NT5DC4: variants seen among roughly 807,000 people sequenced by gnomAD.
The protein encoded by NT5DC4 is 5'-nucleotidase domain containing 4, also known as 5'-nucleotidase domain-containing protein 4.
In NT5DC4, 44 loss-of-function variants were observed where a neutral mutation model predicts 26.6. That is an observed-to-expected ratio of 1.65 (90% CI 1.30 to 2.13). The LOEUF (loss-of-function observed/expected upper bound fraction) is 2.13. NT5DC4 is among the 30% of genes most tolerant of loss of function. NT5DC4 has a pLI of 0.00. For missense variants in NT5DC4, 399 were observed against 228.1 expected (o/e 1.75, Z -4.83); for synonymous variants, 157 against 86.7 (o/e 1.81, Z -4.51).
intron 16 of NT5DC4, among the ~76,000 whole-genome samples, chr2:112,732,690 G>A (rs974831321): frequency 6.6e-6 from 1 of 152,220 alleles, no homozygotes; most frequent in African/African-American, 2.4e-5. Flanking sequence ...AAAGGACTGA[G>A]GGATAAACAA....
Position 112,722,008 on chromosome 2 carries a change from G to A in NT5DC4, c.171G>A (p.Glu57=), listed in dbSNP as rs1676937318. 1 of 717,152 alleles carries A rather than the reference G, an allele frequency of 1.4e-6. No homozygotes were observed. The highest frequency in any genetic ancestry group is 2.7e-5 in the East Asian group (1 of 37,304). 44.4% of individuals were successfully genotyped at this position (717,152 alleles called of 1,614,324 possible). The change falls in exon 3 of 17, where the codon GAG becomes GAA. Residue 57 remains glutamate (E), a synonymous_variant. Coordinates refer to ENST00000688554, the MANE Select transcript of NT5DC4 (RefSeq NM_001393655.1). ...CAGCCTACAAGTCCCCAGCTTATGA[G>A]GCCCTGACCTTCGAGCTGCTGCTGG... ...TLAAYKSPAY[E]ALTFELLLER... is the part of the protein sequence containing the mutation.
Position 112,721,908 on chromosome 2 carries a change from C to T in NT5DC4, c.148+17C>T, listed in dbSNP as rs1005829437. The stretch of plus-strand genomic sequence containing the variant: ...CTCTGGCTGGTAGAGAGGGCTGGAA[C>T]ACAGCGTATTGGGAGCTGGAGGGAG... On this transcript the variant is annotated intron_variant, in intron 2 of 16. Transcript: ENST00000688554. 1.4e-6 allele frequency: 1 copy of T among 717,418 alleles called. No homozygotes were observed. Among genetic ancestry groups the T allele is most frequent in the Non-Finnish European group, 2.6e-6 (1 of 385,094 alleles). 44.4% of individuals were successfully genotyped at this position (717,418 alleles called of 1,614,324 possible).
At chr2:112,729,606 C>T in intron 15 of NT5DC4, 21 bp from the exon 16 acceptor site, 1 of 717,802 alleles carries the variant, frequency 1.4e-6, no homozygotes, top group Non-Finnish European at 2.6e-6. Context: ...GCTTCACCTC[C>T]ACCTGCATTT....
chr2:112,734,102 T>G (rs1678778624), intron 16 of NT5DC4, among the ~76,000 whole-genome samples: 1 of 151,550 alleles, frequency 6.6e-6, no homozygotes, highest in African/African-American at 2.4e-5. Context: ...AAGGATATAG[T>G]GAGATAACGG....
chr2:112,723,905 C>A, intron 9 of NT5DC4, 103 bp downstream of exon 9: 1 of 691,342 alleles, frequency 1.4e-6, no homozygotes, highest in Admixed American at 2.0e-5. Flanking sequence ...GGAGCCAAGA[C>A]CCTCCTACCC....
intron 15 of NT5DC4, 85 bp downstream of exon 15, chr2:112,726,823 TCCTCGGTGCCAAAGG>T: frequency 1.4e-6 from 1 of 713,550 alleles, no homozygotes; most frequent in East Asian, 2.7e-5. Flanking sequence ...GTCGGCTTTG[TCCTCGGTGCCAAAGG>T]CCCAGTTACC....
chr2:112,738,815 T>C, intron 16 of NT5DC4, 98 bp from the exon 17 acceptor site: 1 of 1,561,288 alleles, frequency 6.4e-7, no homozygotes, highest in East Asian at 2.2e-5. Context: ...AAAAAAAGCA[T>C]CAAGAAATTA....
At chr2:112,719,956 T>TTC (rs1398711586), upstream of NT5DC4, among the ~76,000 whole-genome samples, 16 of 127,506 alleles carry the variant, frequency 1.3e-4, no homozygotes, top group African/African-American at 4.6e-4. Flanking sequence ...CTTTCTTTCT[T>TTC]TCTTTCTTTC....
In NT5DC4 at chr2:112,723,139, G is replaced by A. The variant is rs1277161192; in HGVS notation, c.586G>A (p.Asp196Asn). 1.4e-6 allele frequency: 1 copy of A among 717,316 alleles called. No individual in the cohort carries two copies. Among genetic ancestry groups the A allele is most frequent in the Non-Finnish European group, 2.6e-6 (1 of 385,066 alleles). 44.4% of individuals were successfully genotyped at this position (717,316 alleles called of 1,614,324 possible). Residue 196 changes from aspartate to asparagine, a missense_variant, in exon 7 of 17, where the codon GAT (aspartate) becomes AAT (asparagine). By Grantham distance (23) the Asp-to-Asn change is conservative. Transcript: ENST00000688554. The part of the protein sequence containing the change: ...LFMSFRSLFQ[D>N]VTDAMNNIHQ... ...CATGTCCTTCCGAAGCCTCTTCCAG[G>A]ATGTGACTGATGCCATGAATAACAT...
At chr2:112,736,442 A>G (rs1456143718) in intron 16 of NT5DC4, among the ~76,000 whole-genome samples, 2 of 151,466 alleles carry the variant, frequency 1.3e-5, no homozygotes, top group Non-Finnish European at 2.9e-5. Flanking sequence ...GCTATAGTGA[A>G]GCAGATTAAC....
downstream of NT5DC4, chr2:112,740,742 G>C (rs1470300572): frequency 2.4e-6 from 3 of 1,237,328 alleles, no homozygotes; most frequent in South Asian, 1.4e-5. Context: ...AGTTACTCTA[G>C]ATCTGTGAAG....
intron 16 of NT5DC4, among the ~76,000 whole-genome samples, chr2:112,730,498 G>A (rs1678360321): frequency 2.6e-5 from 4 of 152,046 alleles, no homozygotes; most frequent in Admixed American, 2.6e-4. Context: ...TCCCCAGACA[G>A]GCTTTGTTAA....
rs745631164 is a variant in NT5DC4, at chr2:112,722,733, C to T, written c.489C>T (p.Cys163=). ...CCCCAGAAACCTACCTCTATGCCTG[C>T]TTGGTGGACTTCTTCTCTGGCTGCT... ...FNLPETYLYA[C]LVDFFSGCSR... Residue 163 remains cysteine (C), a synonymous_variant, in exon 6 of 17, where the codon TGC becomes TGT. Transcript: ENST00000688554. The T allele has an allele frequency of 2.8e-6, 2 of 717,698 alleles. No individual in the cohort carries two copies. Among genetic ancestry groups the T allele is most frequent in the Non-Finnish European group, 5.2e-6 (2 of 385,118 alleles). 44.5% of individuals were successfully genotyped at this position (717,698 alleles called of 1,614,324 possible).
chr2:112,729,235 G>A (rs1678160442), intron 15 of NT5DC4, among the ~76,000 whole-genome samples: 1 of 152,128 alleles, frequency 6.6e-6, no homozygotes, highest in Non-Finnish European at 1.5e-5. Context: ...CAATTCTTGT[G>A]CCTCAGCCTC....
chr2:112,734,169 A>ATATGTGTGTGTGTGTGTGTGTG lies in NT5DC4; in HGVS notation c.1344+4466_1344+4467insATGTGTGTGTGTGTGTGTGTGT, dbSNP rs150412692. On this transcript the variant is annotated intron_variant, in intron 16 of 16. Transcript: ENST00000688554. The stretch of plus-strand genomic sequence containing the variant: ...AAGTGTTTTCTATGCTATTATATAT[A>ATATGTGTGTGTGTGTGTGTGTG]TGTGTGTGTGTGTGTGTGTGTGTGT... Among the ~76,000 whole-genome samples, 510 of 134,842 alleles carry ATATGTGTGTGTGTGTGTGTGTG rather than the reference A, an allele frequency of 3.8e-3. 1 individual carries two copies. The highest frequency in any genetic ancestry group is 5.0e-3 in the Non-Finnish European group (322 of 64,042). The allele number at this position is 134,842 out of a possible 152,430, so 88.5% of individuals were successfully genotyped here. A position where few individuals can be genotyped will look rare whatever the true frequency, so the allele number is the denominator to read the frequency against.
chr2:112,736,910 CT>C (rs1220818727), intron 16 of NT5DC4: 1 of 151,928 alleles, frequency 6.6e-6, no homozygotes, highest in Non-Finnish European at 1.5e-5. Context: ...GTGCAGATAT[CT>C]TTATGAGGTG....
chr2:112,742,541 A>G, downstream of NT5DC4: 1 of 711,148 alleles, frequency 1.4e-6, no homozygotes, highest in South Asian at 1.5e-5. Context: ...TTGTAATAAT[A>G]CAAATAAGTC....
intron 10 of NT5DC4, 174 bp downstream of exon 10, chr2:112,724,300 G>A (rs1677381622): frequency 1.6e-6 from 1 of 644,032 alleles, no homozygotes; most frequent in Non-Finnish European, 2.8e-6. Context: ...GTAGGAGCCT[G>A]GTGACCTCAG....
chr2:112,719,496 T>C (rs1481483173), upstream of NT5DC4, among the ~76,000 whole-genome samples: 1 of 147,364 alleles, frequency 6.8e-6, no homozygotes, highest in East Asian at 2.0e-4. Context: ...TTTTTTTTTT[T>C]TTTTTTTGAG....
Sources: allele counts gnomAD v4.1 joint callset (sites outside exome capture counted in the v4.1 genomes callset), GRCh38; gene constraint gnomAD v4.1.1; transcripts MANE v1.5; gene names NCBI Gene and HGNC (gene_info 2026-07-23, HGNC 2026-07-21).